CSMD1: variants seen among roughly 807,000 people sequenced by gnomAD.
CSMD1 encodes CUB and sushi domain-containing protein 1.
Under a neutral mutation model 417.5 loss-of-function variants are expected in CSMD1, and 213 were observed. That is an observed-to-expected ratio of 0.51 (90% CI 0.46 to 0.57). The LOEUF (loss-of-function observed/expected upper bound fraction) is 0.57, where lower values mean the gene tolerates loss of function less well. Among genes scored for constraint, CSMD1 ranks in the 20% least tolerant of loss-of-function variants. CSMD1 has a pLI of 0.00. For synonymous variants in CSMD1, 2,862 were observed against 1,736.8 expected, an observed-to-expected ratio of 1.65 and a Z score of -16.11; for missense variants, 6,923 against 4,529.7, an observed-to-expected ratio of 1.53 and a Z score of -15.17.
At chr8:4,544,890 C>G (rs1223203383) in intron 2 of CSMD1, among the ~76,000 whole-genome samples, 1 of 152,212 alleles carries the variant, frequency 6.6e-6, no homozygotes, top group South Asian at 2.1e-4. Flanking sequence ...TTCTCCATCA[C>G]ATTGGTCTTT....
intron 3 of CSMD1, among the ~76,000 whole-genome samples, chr8:4,078,258 C>A (rs1290958504): frequency 6.6e-6 from 1 of 151,084 alleles, no homozygotes; most frequent in African/African-American, 2.4e-5. Flanking sequence ...CGTAATTGCA[C>A]TATGCATTGA....
intron 5 of CSMD1, among the ~76,000 whole-genome samples, chr8:3,801,515 G>A (rs1026672781): frequency 6.6e-6 from 1 of 152,132 alleles, no homozygotes; most frequent in Non-Finnish European, 1.5e-5. Context: ...CTCTCGTGTT[G>A]CTTGTCGGAA....
intron 25 of CSMD1, among the ~76,000 whole-genome samples, chr8:3,287,549 A>G (rs527258700): frequency 0.1 from 14,363 of 137,446 alleles, 882 homozygotes; most frequent in Non-Finnish European, 0.16. Flanking sequence ...TAGGTATTTT[A>G]TTCTCTTTGA....
chr8:3,510,276 C>A lies in CSMD1; in HGVS notation c.1345-16550G>T, dbSNP rs968722552. On this transcript the variant is annotated intron_variant, in intron 10 of 69. Transcript: ENST00000635120. ...CCGCGTCCCTTGCCTGCAGCCCAGG[C>A]TTCTCACTCCACATGGCCTGCCTCT... 5.9e-5 allele frequency among the ~76,000 whole-genome samples: 9 copies of A among 151,838 alleles called. 1 individual carries two copies. The highest frequency in any genetic ancestry group is 8.8e-5 in the Non-Finnish European group (6 of 68,026).
intron 18 of CSMD1, among the ~76,000 whole-genome samples, chr8:3,375,631 C>T (rs921403740): frequency 2.0e-5 from 3 of 152,022 alleles, no homozygotes; most frequent in African/African-American, 7.2e-5. Flanking sequence ...GAATCTTGTG[C>T]AGAAACCCCC....
intron 10 of CSMD1, among the ~76,000 whole-genome samples, chr8:3,512,451 A>G (rs1193222172): frequency 6.6e-6 from 1 of 152,112 alleles, no homozygotes; most frequent in Non-Finnish European, 1.5e-5. Flanking sequence ...ATCCTGAGCA[A>G]TGTGCCCATG....
intron 25 of CSMD1, among the ~76,000 whole-genome samples, chr8:3,285,071 G>C (rs1379831292): frequency 6.6e-6 from 1 of 152,110 alleles, no homozygotes; most frequent in Non-Finnish European, 1.5e-5. Flanking sequence ...AAGCAAGAAG[G>C]GTTTAGTTGA....
intron 12 of CSMD1, among the ~76,000 whole-genome samples, chr8:3,437,130 G>C (rs1419737415): frequency 6.6e-6 from 1 of 152,080 alleles, no homozygotes; most frequent in South Asian, 2.1e-4. Context: ...GATCCTCCTG[G>C]TAGGGAGGGA....
At position 3,302,223 on chromosome 8, in the gene CSMD1, G is replaced by C. The variant is rs566503446; in HGVS notation, c.3950+5472C>G. 1.2e-3 allele frequency among the ~76,000 whole-genome samples: 183 copies of C among 152,300 alleles called. 1 individual carries two copies. The highest frequency in any genetic ancestry group is 4.1e-3 in the African/African-American group (172 of 41,562). Reference sequence around the variant, plus strand: ...TGAGGAGAGATGTCAGGGAAGTTTGGATCAGCTTCCACCATTTTATCTCTT... The same window carrying C: ...TGAGGAGAGATGTCAGGGAAGTTTGCATCAGCTTCCACCATTTTATCTCTT... On this transcript the variant is annotated intron_variant, in intron 25 of 69. Coordinates refer to ENST00000635120, the MANE Select transcript of CSMD1 (RefSeq NM_033225.6).
chr8:4,042,603 T>G (rs1177000938), intron 3 of CSMD1, among the ~76,000 whole-genome samples: 1 of 151,894 alleles, frequency 6.6e-6, no homozygotes, highest in Non-Finnish European at 1.5e-5. Flanking sequence ...GCACCAGGAA[T>G]GATACCCGTA....
At chr8:4,936,965 C>G (rs1807661315) in intron 1 of CSMD1, among the ~76,000 whole-genome samples, 1 of 152,098 alleles carries the variant, frequency 6.6e-6, no homozygotes. Flanking sequence ...AACCCTAGCA[C>G]CTTAGCAGGC....
chr8:3,080,395 A>G (rs1359325669), intron 49 of CSMD1, among the ~76,000 whole-genome samples: 1 of 152,250 alleles, frequency 6.6e-6, no homozygotes, highest in Non-Finnish European at 1.5e-5. Flanking sequence ...ATCAAGGTCG[A>G]TAAGAACCAA....
At chr8:3,487,046 A>G in intron 11 of CSMD1, among the ~76,000 whole-genome samples, 1 of 152,166 alleles carries the variant, frequency 6.6e-6, no homozygotes, top group Non-Finnish European at 1.5e-5. Context: ...AAAAGCACTT[A>G]CCTGGCATAA....
intron 5 of CSMD1, among the ~76,000 whole-genome samples, chr8:3,853,424 T>C (rs893898201): frequency 6.6e-6 from 1 of 152,186 alleles, no homozygotes. Flanking sequence ...TAAAAATGTA[T>C]TTTCTTATTT....
chr8:3,752,262 T>G (rs560684511), intron 6 of CSMD1, among the ~76,000 whole-genome samples: 15 of 152,148 alleles, frequency 9.9e-5, no homozygotes, highest in Non-Finnish European at 2.1e-4. Context: ...TAATAAAATT[T>G]CAGGGCAGCT....
chr8:4,057,022 A>C (rs968998138), intron 3 of CSMD1, among the ~76,000 whole-genome samples: 9 of 152,202 alleles, frequency 5.9e-5, no homozygotes, highest in African/African-American at 1.9e-4. Context: ...TTATAGCAGC[A>C]TGATTTATAG....
intron 54 of CSMD1, among the ~76,000 whole-genome samples, chr8:2,994,137 C>T (rs1399110874): frequency 2.2e-5 from 1 of 46,480 alleles, no homozygotes; most frequent in Non-Finnish European, 3.5e-5. Context: ...CAGAGCAAAA[C>T]TCCATCTCAA....
At chr8:4,437,691 A>G (rs79879186) in intron 2 of CSMD1, among the ~76,000 whole-genome samples, 15 of 152,300 alleles carry the variant, frequency 9.8e-5, no homozygotes, top group African/African-American at 3.1e-4. Context: ...TAAGACCTTT[A>G]GCATAGAATA....
At chr8:3,383,050 G>A (rs1810738805) in intron 18 of CSMD1, among the ~76,000 whole-genome samples, 1 of 152,178 alleles carries the variant, frequency 6.6e-6, no homozygotes, top group Non-Finnish European at 1.5e-5. Flanking sequence ...AGCGCATGTA[G>A]ATAGCCAGAT....
Sources: allele counts gnomAD v4.1 joint callset (sites outside exome capture counted in the v4.1 genomes callset), GRCh38; gene constraint gnomAD v4.1.1; transcripts MANE v1.5; gene names NCBI Gene and HGNC (gene_info 2026-07-23, HGNC 2026-07-21).